The following KAT2B variants were observed in gnomAD, a reference collection of about 807,000 sequenced individuals.
KAT2B encodes the protein histone acetyltransferase KAT2B.
Under a neutral mutation model 105.9 loss-of-function variants are expected in KAT2B, and 36 were observed. The observed-to-expected ratio is 0.34, with a 90% confidence interval of 0.26 to 0.45. The LOEUF (loss-of-function observed/expected upper bound fraction) is 0.45, where lower values mean the gene tolerates loss of function less well. KAT2B is among the 20% of genes least tolerant of loss of function. KAT2B has a pLI of 1.00. For synonymous variants in KAT2B, 397 were observed against 377.9 expected (o/e 1.05, Z -0.59); for missense variants, 820 against 1,021.6 (o/e 0.80, Z 2.69).
chr3:20,040,542 C>A lies in KAT2B; in HGVS notation c.65C>A (p.Pro22His). The A allele has an allele frequency of 3.0e-6, 3 of 1,009,386 alleles. No individual in the cohort carries two copies. Among genetic ancestry groups the A allele is most frequent in the Non-Finnish European group, 3.6e-6 (3 of 841,816 alleles). 62.5% of individuals were successfully genotyped at this position (1,009,386 alleles called of 1,614,324 possible). ...CGAGAGAGAG[P>H]GALPPQPAAL... ...GCAGGAGCCGGGGCAGGGGCCGGGC[C>A]CGGGGCGCTGCCCCCGCAGCCTGCG... The change falls in exon 1 of 18, where the codon CCC becomes CAC. Residue 22 changes from proline (P) to histidine (H), a missense_variant. Pro to His is a moderately conservative substitution (Grantham distance 77). Coordinates refer to ENST00000263754, the MANE Select transcript of KAT2B (RefSeq NM_003884.5).
At chr3:20,087,071 C>T (rs564881425) in intron 2 of KAT2B, among the ~76,000 whole-genome samples, 33 of 152,268 alleles carry the variant, frequency 2.2e-4, no homozygotes, top group African/African-American at 6.5e-4. Context: ...TGAGCCACTG[C>T]GCCTGGCTGA....
At chr3:20,143,135 A>G (rs1367806056) in intron 13 of KAT2B, among the ~76,000 whole-genome samples, 2 of 152,164 alleles carry the variant, frequency 1.3e-5, no homozygotes, top group Non-Finnish European at 2.9e-5. Context: ...GGGAGACCCT[A>G]AAACTGACAG....
At chr3:20,148,130 C>G in intron 15 of KAT2B, 113 bp from the exon 16 acceptor site, 1 of 1,357,740 alleles carries the variant, frequency 7.4e-7, no homozygotes, top group Non-Finnish European at 1.0e-6. Context: ...TTTCCTAAAA[C>G]ATTCTGGAAT....
At chr3:20,092,362 G>C (rs1354717766) in intron 2 of KAT2B, among the ~76,000 whole-genome samples, 1 of 151,716 alleles carries the variant, frequency 6.6e-6, no homozygotes, top group South Asian at 2.1e-4. Flanking sequence ...TCAAGTAGCT[G>C]GGATTACAAG....
chr3:20,074,289 G>A (rs1202553293), intron 2 of KAT2B, among the ~76,000 whole-genome samples: 1 of 152,174 alleles, frequency 6.6e-6, no homozygotes, highest in African/African-American at 2.4e-5. Flanking sequence ...AGGTAATAAA[G>A]CAGCTTGATA....
intron 1 of KAT2B, among the ~76,000 whole-genome samples, chr3:20,070,713 A>G (rs1262113631): frequency 6.6e-6 from 1 of 151,696 alleles, no homozygotes; most frequent in Non-Finnish European, 1.5e-5. Context: ...ATTTTCTTCA[A>G]ATTAGACTTA....
chr3:20,150,069 G>A lies in KAT2B; in HGVS notation c.2305+1582G>A, dbSNP rs180900871. On this transcript the variant is annotated intron_variant, in intron 17 of 17. Coordinates refer to ENST00000263754, the MANE Select transcript of KAT2B (RefSeq NM_003884.5). Reference sequence around the variant, plus strand: ...GAAAGTGTTTTGCTTGGTCCCACCCGTGAAGGTTGTGAACTTCTCCAGTTG... The same window carrying A: ...GAAAGTGTTTTGCTTGGTCCCACCCATGAAGGTTGTGAACTTCTCCAGTTG... Among the ~76,000 whole-genome samples, 88 of 152,270 alleles carry A rather than the reference G, an allele frequency of 5.8e-4. 2 individuals carry two copies. The highest frequency in any genetic ancestry group is 3.5e-3 in the Admixed American group (54 of 15,282).
chr3:20,134,078 T>C (rs886794744), intron 11 of KAT2B, among the ~76,000 whole-genome samples: 2 of 152,222 alleles, frequency 1.3e-5, no homozygotes, highest in South Asian at 2.1e-4. Flanking sequence ...TGATTACTTA[T>C]GGTGCCTTGA....
At chr3:20,110,165 C>T (rs928136724) in intron 5 of KAT2B, among the ~76,000 whole-genome samples, 2 of 152,120 alleles carry the variant, frequency 1.3e-5, no homozygotes, top group African/African-American at 4.8e-5. Context: ...GAAAGGAGAA[C>T]AGGAAAGCAC....
At chr3:20,088,797 T>C (rs191346038) in intron 2 of KAT2B, among the ~76,000 whole-genome samples, 1 of 152,346 alleles carries the variant, frequency 6.6e-6, no homozygotes, top group Non-Finnish European at 1.5e-5. Flanking sequence ...TTTTTGATCA[T>C]ATTCAAAAAA....
intron 2 of KAT2B, among the ~76,000 whole-genome samples, chr3:20,086,106 A>G (rs1404431736): frequency 6.6e-6 from 1 of 151,966 alleles, no homozygotes. Context: ...CCCCATCTCT[A>G]CATAAAAATA....
At chr3:20,084,676 C>G (rs183140087) in intron 2 of KAT2B, among the ~76,000 whole-genome samples, 2 of 152,158 alleles carry the variant, frequency 1.3e-5, no homozygotes, top group African/African-American at 2.4e-5. Context: ...TCAGGTTTCA[C>G]TTAAGCATTT....
chr3:20,073,522 GTC>G (rs1446702713), intron 2 of KAT2B, among the ~76,000 whole-genome samples: 1 of 152,140 alleles, frequency 6.6e-6, no homozygotes, highest in Non-Finnish European at 1.5e-5. Flanking sequence ...TTCCCAAGAA[GTC>G]ATCACATTGG....
Position 20,153,217 on chromosome 3 carries a change from A to G in KAT2B, c.*692A>G, listed in dbSNP as rs1168773312. On this transcript the variant is annotated 3_prime_UTR_variant, in exon 18 of 18. Transcript: ENST00000263754. Reference sequence around the variant, plus strand: ...ACAACAAACTTGTTAGTACATAACCACTATTTTAATAATTATTTTCTCTAC... The same window carrying G: ...ACAACAAACTTGTTAGTACATAACCGCTATTTTAATAATTATTTTCTCTAC... 6.6e-6 allele frequency: 1 copy of G among 152,448 alleles called. No individual in the cohort carries two copies. The highest frequency in any genetic ancestry group is 1.5e-5 in the Non-Finnish European group (1 of 67,974). The allele number at this position is 152,448 out of a possible 1,614,324, so 9.4% of individuals were successfully genotyped here. A position where few individuals can be genotyped will look rare whatever the true frequency, so the allele number is the denominator to read the frequency against.
Position 20,040,759 on chromosome 3 carries a change from C to G in KAT2B, c.282C>G (p.Leu94=). 3 of 1,593,700 alleles carry G rather than the reference C, an allele frequency of 1.9e-6. No homozygotes were observed. The highest frequency in any genetic ancestry group is 2.6e-6 in the Non-Finnish European group (3 of 1,172,898). The change falls in exon 1 of 18, where the codon CTC becomes CTG. Residue 94 remains leucine (L), a synonymous_variant. Transcript: ENST00000263754. ...SAPRAKKLEK[L]GVYSACKAEE... is the part of the protein sequence containing the mutation. The stretch of plus-strand genomic sequence containing the variant: ...CGCGGGCCAAGAAACTGGAGAAACT[C>G]GGAGTGTACTCCGCCTGCAAGGTAC...
intron 1 of KAT2B, 112 bp downstream of exon 1, chr3:20,040,892 C>T (rs969573541): frequency 6.3e-5 from 80 of 1,276,872 alleles, no homozygotes; most frequent in Non-Finnish European, 8.0e-5. Context: ...TCTCGCCTCC[C>T]GCCTGGGGCC....
At chr3:20,118,427 G>C (rs566720256) in intron 7 of KAT2B, among the ~76,000 whole-genome samples, 1 of 149,582 alleles carries the variant, frequency 6.7e-6, no homozygotes, top group African/African-American at 2.4e-5. Flanking sequence ...GAGAAAGAGA[G>C]CTATATAGGC....
At chr3:20,067,667 A>AT (rs906619273) in intron 1 of KAT2B, among the ~76,000 whole-genome samples, 2 of 151,828 alleles carry the variant, frequency 1.3e-5, no homozygotes, top group Non-Finnish European at 2.9e-5. Flanking sequence ...TTCTTTATTT[A>AT]TTTTTTTATA....
intron 2 of KAT2B, among the ~76,000 whole-genome samples, chr3:20,081,086 T>C (rs1698511611): frequency 6.6e-6 from 1 of 152,204 alleles, no homozygotes; most frequent in Admixed American, 6.5e-5. Flanking sequence ...CATTAGTCAA[T>C]TTGACAGATT....
Sources: allele counts gnomAD v4.1 joint callset (sites outside exome capture counted in the v4.1 genomes callset), GRCh38; gene constraint gnomAD v4.1.1; transcripts MANE v1.5; gene names NCBI Gene and HGNC (gene_info 2026-07-23, HGNC 2026-07-21).